MAGI2: variants seen among roughly 807,000 people sequenced by gnomAD.
The protein encoded by MAGI2 is membrane associated guanylate kinase, WW and PDZ domain containing 2.
A neutral mutation model predicts 133.3 loss-of-function variants in MAGI2; 35 were observed. That is an observed-to-expected ratio of 0.26 (90% confidence interval 0.20 to 0.35). The LOEUF (loss-of-function observed/expected upper bound fraction) is 0.35, where lower values mean the gene tolerates loss of function less well. MAGI2 is among the 10% of genes least tolerant of loss of function. The pLI, the probability that MAGI2 is intolerant of heterozygous loss-of-function variation, is 1.00. For missense variants in MAGI2, 1,636 were observed against 1,863.4 expected (o/e 0.88, Z 2.25); for synonymous variants, 729 against 710.6 (o/e 1.03, Z -0.41).
chr7:78,253,626 T>C (rs1190633687), intron 10 of MAGI2: 1 of 152,198 alleles, frequency 6.6e-6, no homozygotes, highest in Non-Finnish European at 1.5e-5. Flanking sequence ...CCATAAACTT[T>C]CTGTGACTAT....
chr7:78,613,307 C>T (rs920994256), intron 3 of MAGI2, among the ~76,000 whole-genome samples: 20 of 152,296 alleles, frequency 1.3e-4, no homozygotes, highest in African/African-American at 4.3e-4. Flanking sequence ...AGTTAAATTT[C>T]CTCTGTAGTT....
At chr7:78,671,435 A>G (rs765260245) in intron 2 of MAGI2, among the ~76,000 whole-genome samples, 25 of 152,172 alleles carry the variant, frequency 1.6e-4, no homozygotes, top group Non-Finnish European at 2.9e-4. Context: ...AAGCAGAGAT[A>G]GCATGTGTGA....
In MAGI2 at chr7:78,903,172, C is replaced by CTTTTTTTTT. The variant is rs10526268; in HGVS notation, c.418+103909_418+103917dup. ...TTCATGCAAGTGGGAGTTCCTGAAT[C>CTTTTTTTTT]TTTTTTTTTTTTTTTTTTTTTTTTT... On this transcript the variant is annotated intron_variant, in intron 2 of 21. Transcript: ENST00000354212. Among the ~76,000 whole-genome samples, 17 of 56,120 alleles carry CTTTTTTTTT rather than the reference C, an allele frequency of 3.0e-4. 4 individuals carry two copies. The highest frequency in any genetic ancestry group is 2.0e-3 in the South Asian group (2 of 1,002). The allele number at this position is 56,120 out of a possible 152,430, so 36.8% of individuals were successfully genotyped here. A position where few individuals can be genotyped will look rare whatever the true frequency, so the allele number is the denominator to read the frequency against.
At chr7:78,302,661 G>A (rs954042664) in intron 9 of MAGI2, among the ~76,000 whole-genome samples, 3 of 152,142 alleles carry the variant, frequency 2.0e-5, no homozygotes, top group African/African-American at 7.2e-5. Flanking sequence ...TTCAGGCACT[G>A]CCCCTGGTGC....
intron 7 of MAGI2, among the ~76,000 whole-genome samples, chr7:78,368,203 A>T (rs1793575968): frequency 6.6e-6 from 1 of 152,228 alleles, no homozygotes; most frequent in African/African-American, 2.4e-5. Context: ...CAGTGCCAAG[A>T]ATGGCATGAC....
intron 1 of MAGI2, among the ~76,000 whole-genome samples, chr7:79,048,988 C>G (rs1812429834): frequency 6.6e-6 from 1 of 152,102 alleles, no homozygotes; most frequent in African/African-American, 2.4e-5. Flanking sequence ...AACAGTTTAA[C>G]AAAGAATAAA....
intron 1 of MAGI2, among the ~76,000 whole-genome samples, chr7:79,349,287 A>G (rs1297253938): frequency 6.6e-6 from 1 of 151,974 alleles, no homozygotes; most frequent in African/African-American, 2.4e-5. Context: ...AGCATTCATT[A>G]TCTTGCAAAT....
chr7:78,286,992 G>A (rs1252119210), intron 9 of MAGI2, among the ~76,000 whole-genome samples: 4 of 152,126 alleles, frequency 2.6e-5, no homozygotes, highest in Non-Finnish European at 5.9e-5. Context: ...TGGTAAGTTG[G>A]GACTTTATAG....
At chr7:78,199,059 G>C (rs1828998671) in intron 11 of MAGI2, among the ~76,000 whole-genome samples, 1 of 152,174 alleles carries the variant, frequency 6.6e-6, no homozygotes, top group South Asian at 2.1e-4. Context: ...TCTGACCCAA[G>C]ATATCATCAA....
At chr7:78,461,594 T>C (rs1344291848) in intron 6 of MAGI2, among the ~76,000 whole-genome samples, 1 of 152,022 alleles carries the variant, frequency 6.6e-6, no homozygotes, top group East Asian at 1.9e-4. Context: ...TTTTCAAAAT[T>C]TCACTGAAGA....
At chr7:79,263,853 G>T (rs938201369) in intron 1 of MAGI2, among the ~76,000 whole-genome samples, 3 of 152,046 alleles carry the variant, frequency 2.0e-5, no homozygotes, top group African/African-American at 7.2e-5. Context: ...TTGATATTTT[G>T]TGTTTAGAGA....
At chr7:78,168,165 T>C in intron 14 of MAGI2, 57 bp from the exon 15 acceptor site, 2 of 1,535,354 alleles carry the variant, frequency 1.3e-6, no homozygotes. Flanking sequence ...TTCCTTTTTT[T>C]TTTTTTTCGA....
chr7:78,721,743 AAGCTTTCCTAGCTAGCATCC>A (rs1165341413), intron 2 of MAGI2, among the ~76,000 whole-genome samples: 1 of 151,996 alleles, frequency 6.6e-6, no homozygotes, highest in Non-Finnish European at 1.5e-5. Flanking sequence ...TTGTTCAGAC[AAGCTTTCCTAGCTAGCATCC>A]AATGAGTATT....
At position 78,825,099 on chromosome 7, in the gene MAGI2, G is replaced by T. The variant is rs530485153; in HGVS notation, c.418+181991C>A. ...GGGGCAAAGGGAGGGAGAGCATTTG[G>T]ACAAACACCTAATGCATGCTGAAAC... is the stretch of plus-strand genomic sequence containing the variant. On this transcript the variant is annotated intron_variant, in intron 2 of 21. Transcript: ENST00000354212. Among the ~76,000 whole-genome samples the T allele has an allele frequency of 2.0e-4, 31 of 152,144 alleles. No individual in the cohort carries two copies. The South Asian group carries it at 5.0e-3, about 24-fold the overall frequency.
chr7:78,791,788 G>A (rs1278501515), intron 2 of MAGI2, among the ~76,000 whole-genome samples: 1 of 152,042 alleles, frequency 6.6e-6, no homozygotes, highest in Non-Finnish European at 1.5e-5. Flanking sequence ...GACCTCAAGT[G>A]ATCCACCAGT....
chr7:78,550,254 G>A (rs1007377232), intron 3 of MAGI2, among the ~76,000 whole-genome samples: 3 of 152,188 alleles, frequency 2.0e-5, no homozygotes, highest in African/African-American at 7.2e-5. Flanking sequence ...TAGAACAGAA[G>A]TTAGATGATC....
intron 5 of MAGI2, among the ~76,000 whole-genome samples, chr7:78,499,968 A>C (rs890548339): frequency 1.3e-5 from 2 of 152,236 alleles, no homozygotes; most frequent in Admixed American, 1.3e-4. Flanking sequence ...CTATTTTCCA[A>C]TTAATTGATA....
At chr7:79,079,332 T>C (rs975313321) in intron 1 of MAGI2, among the ~76,000 whole-genome samples, 2 of 152,208 alleles carry the variant, frequency 1.3e-5, no homozygotes, top group Non-Finnish European at 1.5e-5. Context: ...TAATGATACT[T>C]TCATATTTTT....
intron 1 of MAGI2, among the ~76,000 whole-genome samples, chr7:79,054,849 G>A (rs956016994): frequency 1.3e-5 from 2 of 152,204 alleles, no homozygotes; most frequent in Non-Finnish European, 2.9e-5. Context: ...GGAGTGCAGT[G>A]GTGCAATCTC....
Sources: allele counts gnomAD v4.1 joint callset (sites outside exome capture counted in the v4.1 genomes callset), GRCh38; gene constraint gnomAD v4.1.1; transcripts MANE v1.5; gene names NCBI Gene and HGNC (gene_info 2026-07-23, HGNC 2026-07-21).